Variants in BCKDHB observed in about 807,000 individuals in gnomAD.
The protein encoded by BCKDHB is branched chain keto acid dehydrogenase E1 subunit beta, also known as 2-oxoisovalerate dehydrogenase subunit beta, mitochondrial.
BCKDHB carries 41 observed loss-of-function variants against 48.5 expected under a neutral mutation model. The observed-to-expected ratio is 0.85, with a 90% CI of 0.66 to 1.10. The LOEUF is 1.10. Among genes scored for constraint, BCKDHB ranks in the 50% least tolerant of loss-of-function variants. The probability of loss-of-function intolerance (pLI) is 0.00; values close to 1 mark genes in which losing one functional copy is unlikely to be tolerated. For missense variants in BCKDHB, 496 were observed against 494.2 expected, an observed-to-expected ratio of 1.00 and a Z score of -0.03; for synonymous variants, 201 against 174.8, an observed-to-expected ratio of 1.15 and a Z score of -1.18.
At chr6:80,119,332 T>G (rs1050643975) in intron 1 of BCKDHB, among the ~76,000 whole-genome samples, 8 of 152,134 alleles carry the variant, frequency 5.3e-5, no homozygotes, top group African/African-American at 1.9e-4. Flanking sequence ...TTTTTACTGT[T>G]TTTTGAGACA....
intron 1 of BCKDHB, among the ~76,000 whole-genome samples, chr6:80,122,045 A>G (rs975565556): frequency 1.3e-5 from 2 of 152,204 alleles, no homozygotes; most frequent in Admixed American, 6.5e-5. Flanking sequence ...TAGTTTATTG[A>G]GAGTTTTTAG....
At chr6:80,136,440 A>G (rs192801198) in intron 3 of BCKDHB, among the ~76,000 whole-genome samples, 20 of 152,274 alleles carry the variant, frequency 1.3e-4, no homozygotes, top group African/African-American at 4.8e-4. Context: ...ACCTTTATTT[A>G]ACACCATATA....
the BCKDHB span, among the ~76,000 whole-genome samples, chr6:80,459,330 T>C: frequency 6.6e-6 from 1 of 152,098 alleles, no homozygotes; most frequent in Admixed American, 6.5e-5. Flanking sequence ...TAAGATGCAA[T>C]AATATGCATG....
At chr6:80,106,926 C>T (rs1236398825) in intron 1 of BCKDHB, 37 bp downstream of exon 1, 2 of 1,574,986 alleles carry the variant, frequency 1.3e-6, no homozygotes, top group Non-Finnish European at 1.7e-6. Context: ...CCCGCTGCAG[C>T]CCGGACTCCC....
the BCKDHB span, among the ~76,000 whole-genome samples, chr6:80,368,890 G>T: frequency 6.6e-6 from 1 of 152,106 alleles, no homozygotes; most frequent in African/African-American, 2.4e-5. Context: ...GCTCGTGCCT[G>T]TAGTCCCAGC....
chr6:80,120,497 A>G (rs767692266), intron 1 of BCKDHB, among the ~76,000 whole-genome samples: 3 of 152,046 alleles, frequency 2.0e-5, no homozygotes, highest in South Asian at 4.1e-4. Flanking sequence ...AAGTGTTCCT[A>G]TTTCTCCACA....
At chr6:80,465,553 A>C in the BCKDHB span, among the ~76,000 whole-genome samples, 11 of 152,308 alleles carry the variant, frequency 7.2e-5, no homozygotes, top group East Asian at 1.5e-3. Flanking sequence ...GGAGACATGA[A>C]TGCTTGTATT....
chr6:80,351,768 G>C, the BCKDHB span, among the ~76,000 whole-genome samples: 3 of 148,824 alleles, frequency 2.0e-5, no homozygotes, highest in Non-Finnish European at 4.4e-5. Flanking sequence ...TCAGCCTCCT[G>C]AGTAACTGGG....
chr6:80,200,871 T>C, intron 6 of BCKDHB, 63 bp from the exon 7 acceptor site: 1 of 1,312,850 alleles, frequency 7.6e-7, no homozygotes, highest in Non-Finnish European at 1.1e-6. Flanking sequence ...TCTTAAATTA[T>C]TTTATGCACA....
the BCKDHB span, among the ~76,000 whole-genome samples, chr6:80,422,759 C>T: frequency 1.3e-5 from 2 of 152,164 alleles, no homozygotes; most frequent in Non-Finnish European, 2.9e-5. Flanking sequence ...TGGCCAATTT[C>T]TCCAATTTGG....
chr6:80,246,597 G>A (rs1415772983), intron 8 of BCKDHB, among the ~76,000 whole-genome samples: 2 of 152,178 alleles, frequency 1.3e-5, no homozygotes, highest in Non-Finnish European at 2.9e-5. Context: ...ATCAGGGAAA[G>A]ACAGGGCAGT....
chr6:80,343,390 G>A lies in BCKDHB; in HGVS notation c.1039-274G>A, dbSNP rs2322762. Among the ~76,000 whole-genome samples, 118,155 of 152,082 alleles carry A rather than the reference G, an allele frequency of 0.78. 46,258 individuals are homozygous for A. The highest frequency in any genetic ancestry group is 0.84 in the Admixed American group (12,789 of 15,280). ...TTTATAATTCTTTCCATTTATATTC[G>A]TAGAACAGCGTATTTGATATTATCC... On this transcript the variant is annotated intron_variant, in intron 9 of 9. Transcript: ENST00000320393.
At chr6:80,363,782 A>G in the BCKDHB span, among the ~76,000 whole-genome samples, 4,863 of 152,306 alleles carry the variant, frequency 0.032, 281 homozygotes, top group African/African-American at 0.11. Context: ...AAATAGACTT[A>G]ACTCACTAAA....
chr6:80,360,791 G>A, the BCKDHB span, among the ~76,000 whole-genome samples: 62,144 of 151,490 alleles, frequency 0.41, 13,481 homozygotes, highest in East Asian at 0.56. Context: ...GACTCACTTG[G>A]GGTCAGGAGT....
intron 6 of BCKDHB, among the ~76,000 whole-genome samples, chr6:80,181,979 T>C (rs1245118766): frequency 9.9e-5 from 15 of 152,250 alleles, no homozygotes; most frequent in Admixed American, 9.8e-4. Context: ...TTTTATATAC[T>C]GTAAGACTGT....
chr6:80,423,644 A>G, the BCKDHB span, among the ~76,000 whole-genome samples: 1 of 152,186 alleles, frequency 6.6e-6, no homozygotes, highest in African/African-American at 2.4e-5. Flanking sequence ...ATTACTATAT[A>G]GGTTGATTTT....
chr6:80,177,269 T>A (rs1773209344), intron 6 of BCKDHB, among the ~76,000 whole-genome samples: 1 of 120,760 alleles, frequency 8.3e-6, no homozygotes, highest in South Asian at 2.8e-4. Flanking sequence ...AAACATGGGT[T>A]TCATATTAAA....
intron 3 of BCKDHB, among the ~76,000 whole-genome samples, chr6:80,162,712 G>A (rs1772376743): frequency 6.6e-6 from 1 of 152,036 alleles, no homozygotes; most frequent in Non-Finnish European, 1.5e-5. Flanking sequence ...TTAGCTGGGC[G>A]TGGTCGTGGG....
intron 9 of BCKDHB, among the ~76,000 whole-genome samples, chr6:80,314,713 A>T (rs1243791090): frequency 1.3e-5 from 2 of 152,158 alleles, no homozygotes; most frequent in Non-Finnish European, 2.9e-5. Flanking sequence ...AAAACAACCA[A>T]GGTGGTGGCC....
Sources: gnomAD v4.1 joint callset for allele counts (sites outside exome capture counted in the v4.1 genomes callset) on GRCh38, gnomAD v4.1.1 for gene constraint, MANE v1.5 for transcripts, NCBI Gene and HGNC (gene_info 2026-07-23, HGNC 2026-07-21) for gene names.